PCDHAC2: variants seen among roughly 807,000 people sequenced by gnomAD.
The protein encoded by PCDHAC2 is protocadherin alpha subfamily C, 2.
Under a neutral mutation model 63.3 loss-of-function variants are expected in PCDHAC2, and 24 were observed. The observed-to-expected ratio is 0.38, with a 90% CI of 0.27 to 0.53. The LOEUF is 0.53. PCDHAC2 is among the 20% of genes least tolerant of loss of function. The pLI is 0.81. For missense variants in PCDHAC2, 1,181 were observed against 1,275.2 expected (o/e 0.93, Z 1.12); for synonymous variants, 569 against 529.4 (o/e 1.07, Z -1.03).
intron 3 of PCDHAC2, among the ~76,000 whole-genome samples, chr5:140,987,234 A>G (rs2097240958): frequency 6.6e-6 from 1 of 151,980 alleles, no homozygotes; most frequent in Non-Finnish European, 1.5e-5. Context: ...AAAATAATAA[A>G]TAAAGAAAGA....
intron 3 of PCDHAC2, among the ~76,000 whole-genome samples, chr5:140,994,709 A>C (rs1436733940): frequency 6.6e-6 from 1 of 152,166 alleles, no homozygotes; most frequent in Non-Finnish European, 1.5e-5. Flanking sequence ...TGTCTCAAAA[A>C]AAAATTTAAA....
rs1381646688 is a variant in PCDHAC2 at position 140,969,184 on chromosome 5, C to A, written c.2418C>A (p.Phe806Leu). ...CAGCAGGCTCAGGGAGTGACACTTTCATGTTTTACAATACAGGGGCCCAGA... is the reference window on the plus strand; with the variant it reads ...CAGCAGGCTCAGGGAGTGACACTTTAATGTTTTACAATACAGGGGCCCAGA... Reference protein sequence around the residue: ...CLTAGSGSDTFMFYNTGAQTG... With the variant: ...CLTAGSGSDTLMFYNTGAQTG... The change falls in exon 1 of 4, where the codon TTC (phenylalanine) becomes TTA (leucine). Residue 806 changes from phenylalanine to leucine, a missense_variant. Coordinates refer to ENST00000289269, the MANE Select transcript of PCDHAC2 (RefSeq NM_018899.6). The A allele has an allele frequency of 6.2e-7, 1 of 1,613,998 alleles. No individual in the cohort carries two copies. The highest frequency in any genetic ancestry group is 8.5e-7 in the Non-Finnish European group (1 of 1,180,014).
rs1563652468 is a variant in PCDHAC2, at chr5:141,000,419, A to ATTT, written c.2714-9207_2714-9206insTTT. 1.8e-3 allele frequency among the ~76,000 whole-genome samples: 107 copies of ATTT among 60,980 alleles called. 1 individual carries two copies. The highest frequency in any genetic ancestry group is 3.1e-3 in the African/African-American group (41 of 13,160). 40.0% of individuals were successfully genotyped at this position (60,980 alleles called of 152,430 possible). ...TCTATATATATATATATATATATAT[A>ATTT]TATTTTTTTTTTTTTTTTTTTTTTT... On this transcript the variant is annotated intron_variant, in intron 3 of 3. Transcript: ENST00000289269.
chr5:141,008,731 A>G (rs570212555), intron 3 of PCDHAC2, among the ~76,000 whole-genome samples: 88 of 152,328 alleles, frequency 5.8e-4, no homozygotes, highest in Non-Finnish European at 1.0e-3. Flanking sequence ...GTCCAACTAG[A>G]CTGTGAGCAC....
Position 141,010,476 on chromosome 5 carries a change from G to T in PCDHAC2, c.*539G>T. ...GAAGTTATCAGTATGGAGGGGAAGT[G>T]TAAACTTAAAGGGACCAGACTTTCT... is the stretch of plus-strand genomic sequence containing the variant. On this transcript the variant is annotated 3_prime_UTR_variant, in exon 4 of 4. Coordinates refer to ENST00000289269, the MANE Select transcript of PCDHAC2 (RefSeq NM_018899.6). 1.3e-6 allele frequency: 1 copy of T among 752,476 alleles called. No individual in the cohort carries two copies. Among genetic ancestry groups the T allele is most frequent in the Non-Finnish European group, 2.0e-6 (1 of 499,640 alleles). The allele number at this position is 752,476 out of a possible 1,614,324, so 46.6% of individuals were successfully genotyped here. A position where few individuals can be genotyped will look rare whatever the true frequency, so the allele number is the denominator to read the frequency against.
rs147351924 is a variant in PCDHAC2, at chr5:141,009,782, C to T, written c.2869C>T (p.Arg957Trp). 27 of 1,613,956 alleles carry T rather than the reference C, an allele frequency of 1.7e-5. No homozygotes were observed. The highest frequency in any genetic ancestry group is 9.9e-5 in the South Asian group (9 of 91,070). ...AGGATCTCCTGCAATCATCTCCATCCGGCAGGAGCCTACTAACAGCCAAAT... is the reference window on the plus strand; with the variant it reads ...AGGATCTCCTGCAATCATCTCCATCTGGCAGGAGCCTACTAACAGCCAAAT... ...IPGSPAIISI[R>W]QEPTNSQIDK... is the part of the protein sequence containing the mutation. The change falls in exon 4 of 4, where the codon CGG becomes TGG. Residue 957 changes from arginine (R) to tryptophan (W), a missense_variant. Coordinates refer to ENST00000289269, the MANE Select transcript of PCDHAC2 (RefSeq NM_018899.6).
chr5:140,969,680 G>A (rs2096353475), intron 1 of PCDHAC2, among the ~76,000 whole-genome samples: 1 of 152,204 alleles, frequency 6.6e-6, no homozygotes, highest in African/African-American at 2.4e-5. Context: ...TGAGACTCAA[G>A]GAGAAATGGC....
Position 140,968,165 on chromosome 5 carries a change from C to T in PCDHAC2, c.1399C>T (p.Pro467Ser). The T allele has an allele frequency of 3.7e-6, 6 of 1,614,120 alleles. No homozygotes were observed. The highest frequency in any genetic ancestry group is 1.3e-5 in the African/African-American group (1 of 75,046). Residue 467 changes from proline to serine, a missense_variant, in exon 1 of 4, where the codon CCA becomes TCA. This residue lies in a region of PCDHAC2 where 968 missense variants were observed against 1,073.5 expected (regional missense o/e 0.90). Transcript: ENST00000289269. ...VEISDINDNPPSFLEDSYSIY... is the reference protein window; with the variant it reads ...VEISDINDNPSSFLEDSYSIY... ...GATCTCTGACATCAATGACAATCCA[C>T]CAAGCTTCCTGGAGGACTCCTATTC...
chr5:140,999,332 T>TTATAA (rs1554256746), intron 3 of PCDHAC2, among the ~76,000 whole-genome samples: 1 of 152,222 alleles, frequency 6.6e-6, no homozygotes, highest in Non-Finnish European at 1.5e-5. Flanking sequence ...TCTGTGTGAT[T>TTATAA]TATAAGCCTT....
At chr5:141,002,595 C>T (rs2098087240) in intron 3 of PCDHAC2, among the ~76,000 whole-genome samples, 2 of 152,192 alleles carry the variant, frequency 1.3e-5, no homozygotes, top group Admixed American at 1.3e-4. Context: ...TTAGTCCCCT[C>T]ATCTATAAAA....
intron 3 of PCDHAC2, among the ~76,000 whole-genome samples, chr5:141,000,102 C>T (rs537991787): frequency 8.5e-5 from 13 of 152,172 alleles, no homozygotes; most frequent in East Asian, 5.8e-4. Context: ...AGCTCAACTC[C>T]GTCTCTTCCC....
intron 3 of PCDHAC2, among the ~76,000 whole-genome samples, chr5:140,987,740 A>G (rs1454887233): frequency 6.6e-6 from 1 of 152,078 alleles, no homozygotes; most frequent in Admixed American, 6.5e-5. Flanking sequence ...CAAAATTTAG[A>G]CCCAGGTTGT....
In PCDHAC2 at chr5:140,966,789, C is replaced by T. The variant is rs782194817; in HGVS notation, c.23C>T (p.Pro8Leu). MEQAGTR[P>L]AATEHPRLRR... is the part of the protein sequence containing the mutation. ...GCTATGGAGCAGGCGGGCACCAGAC[C>T]TGCGGCGACAGAGCATCCACGGCTC... Residue 8 changes from proline (P) to leucine (L), a missense_variant, in exon 1 of 4, where the codon CCT becomes CTT. By Grantham distance (98) the Pro-to-Leu change is moderately conservative. Around this residue, in one of 3 missense-constraint regions of PCDHAC2, gnomAD observed 210 missense variants for 184.9 expected, o/e 1.14. Transcript: ENST00000289269. 2.0e-6 allele frequency: 3 copies of T among 1,528,688 alleles called. No homozygotes were observed. Among genetic ancestry groups the T allele is most frequent in the Non-Finnish European group, 2.6e-6 (3 of 1,140,696 alleles). 94.7% of individuals were successfully genotyped at this position (1,528,688 alleles called of 1,614,324 possible).
At position 140,968,073 on chromosome 5, in the gene PCDHAC2, A is replaced by G; in HGVS notation, c.1307A>G (p.Asn436Ser). The change falls in exon 1 of 4, where the codon AAC (asparagine) becomes AGC (serine). Residue 436 changes from asparagine to serine, a missense_variant. Asn to Ser is a conservative substitution (Grantham distance 46). Around this residue, in one of 3 missense-constraint regions of PCDHAC2, gnomAD observed 968 missense variants for 1,073.5 expected, o/e 0.90. Transcript: ENST00000289269. The stretch of plus-strand genomic sequence containing the variant: ...GACCGAGAGCGGGTGGCTGTCTACA[A>G]CATCACGGTGACAGCCACAGATGGG... ...PLDRERVAVY[N>S]ITVTATDGGI... is the part of the protein sequence containing the mutation. 1 of 1,614,142 alleles carries G rather than the reference A, an allele frequency of 6.2e-7. No homozygotes were observed. The highest frequency in any genetic ancestry group is 1.3e-5 in the African/African-American group (1 of 75,036).
Position 140,966,859 on chromosome 5 carries a change from G to A in PCDHAC2, c.93G>A (p.Leu31=). ...PWLLLLPLLL[L]LLLLLPGPAA... is the part of the protein sequence containing the mutation. ...TGCTGCTACTGCCTCTCCTGCTGCT[G>A]TTGCTGCTGCTGCTACCTGGCCCTG... The change falls in exon 1 of 4, where the codon CTG becomes CTA. Residue 31 remains leucine (L), a synonymous_variant. Coordinates refer to ENST00000289269, the MANE Select transcript of PCDHAC2 (RefSeq NM_018899.6). 1 of 1,577,136 alleles carries A rather than the reference G, an allele frequency of 6.3e-7. No homozygotes were observed.
At chr5:141,006,050 G>A (rs1554260524) in intron 3 of PCDHAC2, among the ~76,000 whole-genome samples, 1 of 151,092 alleles carries the variant, frequency 6.6e-6, no homozygotes, top group African/African-American at 2.4e-5. Flanking sequence ...GTAGATGAGA[G>A]TGGAGAAGAA....
At chr5:140,973,089 T>G (rs534319830) in intron 1 of PCDHAC2, among the ~76,000 whole-genome samples, 2 of 152,308 alleles carry the variant, frequency 1.3e-5, no homozygotes, top group East Asian at 3.9e-4. Flanking sequence ...TGGCACAACA[T>G]GTAGAAATTA....
At position 140,967,503 on chromosome 5, in the gene PCDHAC2, G is replaced by C. The variant is rs369053625; in HGVS notation, c.737G>C (p.Arg246Pro). 1 of 1,612,938 alleles carries C rather than the reference G, an allele frequency of 6.2e-7. No individual in the cohort carries two copies. Among genetic ancestry groups the C allele is most frequent in the Non-Finnish European group, 8.5e-7 (1 of 1,179,270 alleles). The change falls in exon 1 of 4, where the codon CGT (arginine) becomes CCT (proline). Residue 246 changes from arginine to proline, a missense_variant. Arg to Pro is a moderately radical substitution (Grantham distance 103). Coordinates refer to ENST00000289269, the MANE Select transcript of PCDHAC2 (RefSeq NM_018899.6). The stretch of plus-strand genomic sequence containing the variant: ...TCGGGTACGGCACAGATCTCTGTGC[G>C]TGTCCTGGACACTAACGACAACTCT... ...ARSGTAQISV[R>P]VLDTNDNSPA...
At chr5:140,988,294 G>A (rs2097291713) in intron 3 of PCDHAC2, among the ~76,000 whole-genome samples, 1 of 152,206 alleles carries the variant, frequency 6.6e-6, no homozygotes, top group South Asian at 2.1e-4. Context: ...TGACAGCCCA[G>A]GAGTGCCAGC....
Sources: allele counts gnomAD v4.1 joint callset (sites outside exome capture counted in the v4.1 genomes callset), GRCh38; gene constraint gnomAD v4.1.1; regional missense constraint gnomAD v4.1.1; transcripts MANE v1.5; gene names NCBI Gene and HGNC (gene_info 2026-07-23, HGNC 2026-07-21).